GLRA3: variants seen among roughly 807,000 people sequenced by gnomAD.
GLRA3 encodes the protein glycine receptor alpha 3.
GLRA3 carries 44 observed loss-of-function variants against 60.4 expected under a neutral mutation model. The observed-to-expected ratio is 0.73, with a 90% CI of 0.57 to 0.94. The LOEUF (loss-of-function observed/expected upper bound fraction) is 0.94. Ranked by LOEUF, GLRA3 falls within the 40% of genes least tolerant of loss-of-function variation. The pLI, the probability that GLRA3 is intolerant of heterozygous loss-of-function variation, is 0.00. For synonymous variants in GLRA3, 223 were observed against 192.9 expected (o/e 1.16, Z -1.29); for missense variants, 508 against 564.6 (o/e 0.90, Z 1.02).
intron 8 of GLRA3, 109 bp downstream of exon 8, chr4:174,658,945 A>G (rs1733317172): frequency 4.4e-6 from 4 of 901,116 alleles, no homozygotes; most frequent in Non-Finnish European, 6.8e-6. Context: ...ATATTATATC[A>G]TTTCATCCCC....
chr4:174,809,688 G>A (rs1281386773), intron 1 of GLRA3, among the ~76,000 whole-genome samples: 1 of 152,076 alleles, frequency 6.6e-6, no homozygotes, highest in Non-Finnish European at 1.5e-5. Context: ...AACCAAGATT[G>A]TGCCGCTGCA....
At chr4:174,650,603 A>G (rs948416500) in intron 9 of GLRA3, among the ~76,000 whole-genome samples, 3 of 152,200 alleles carry the variant, frequency 2.0e-5, no homozygotes, top group African/African-American at 7.2e-5. Flanking sequence ...GTCCATATCT[A>G]GGCCTGAAAT....
chr4:174,723,504 T>C (rs1214958232), intron 4 of GLRA3, among the ~76,000 whole-genome samples: 1 of 152,056 alleles, frequency 6.6e-6, no homozygotes, highest in Admixed American at 6.6e-5. Flanking sequence ...AACAAATACA[T>C]GTTGATAATC....
chr4:174,686,609 G>A (rs773454605), intron 5 of GLRA3, among the ~76,000 whole-genome samples: 2 of 152,212 alleles, frequency 1.3e-5, no homozygotes, highest in Non-Finnish European at 2.9e-5. Context: ...TTATTGCCGA[G>A]TAAAGAGTAA....
chr4:174,691,881 C>T (rs1178937264), intron 5 of GLRA3, among the ~76,000 whole-genome samples: 2 of 151,602 alleles, frequency 1.3e-5, no homozygotes, highest in African/African-American at 4.9e-5. Flanking sequence ...AGCCCCTCTG[C>T]CTGGCTGCCC....
chr4:174,662,108 T>C lies in GLRA3; in HGVS notation c.928-2911A>G, dbSNP rs143877091. Among the ~76,000 whole-genome samples the C allele has an allele frequency of 6.8e-3, 1,037 of 152,288 alleles. 14 individuals carry two copies. The highest frequency in any genetic ancestry group is 0.022 in the African/African-American group (916 of 41,558). On this transcript the variant is annotated intron_variant, in intron 7 of 9. Transcript: ENST00000274093. ...TTAGTTTCCGCTCTTATTGTATACA[T>C]GTGCATATATTCCAGAGTTAAGGAA... is the stretch of plus-strand genomic sequence containing the variant.
chr4:174,731,056 T>C (rs1445983845), intron 3 of GLRA3, among the ~76,000 whole-genome samples: 2 of 152,204 alleles, frequency 1.3e-5, no homozygotes, highest in Non-Finnish European at 2.9e-5. Flanking sequence ...CTTGATTAAA[T>C]CTTTCTATGC....
At chr4:174,821,598 G>A (rs1272425561) in intron 1 of GLRA3, among the ~76,000 whole-genome samples, 3 of 151,930 alleles carry the variant, frequency 2.0e-5, no homozygotes, top group Non-Finnish European at 4.4e-5. Context: ...TGTATCTGTG[G>A]TATTACAATT....
At chr4:174,767,404 A>AT (rs1159851345) in intron 2 of GLRA3, among the ~76,000 whole-genome samples, 31 of 150,962 alleles carry the variant, frequency 2.1e-4, no homozygotes, top group Middle Eastern at 6.8e-3. Context: ...CATGTCTTAT[A>AT]TTTTTTTTTG....
intron 5 of GLRA3, among the ~76,000 whole-genome samples, chr4:174,701,548 A>C (rs1381024032): frequency 6.6e-6 from 1 of 152,156 alleles, no homozygotes; most frequent in Non-Finnish European, 1.5e-5. Context: ...TAAGAAAAAC[A>C]TTTTGTCCAT....
intron 1 of GLRA3, among the ~76,000 whole-genome samples, chr4:174,794,048 T>C (rs1212681745): frequency 6.6e-6 from 1 of 152,172 alleles, no homozygotes; most frequent in Non-Finnish European, 1.5e-5. Context: ...GCAAATCATA[T>C]CTTGCAAAAG....
At chr4:174,769,885 A>T (rs1738311548) in intron 2 of GLRA3, among the ~76,000 whole-genome samples, 2 of 152,084 alleles carry the variant, frequency 1.3e-5, no homozygotes, top group Non-Finnish European at 2.9e-5. Flanking sequence ...TCTTCTTATG[A>T]ATTTTGAAGA....
chr4:174,692,966 G>A (rs899954447), intron 5 of GLRA3, among the ~76,000 whole-genome samples: 14 of 150,786 alleles, frequency 9.3e-5, no homozygotes, highest in African/African-American at 2.7e-4. Flanking sequence ...AAAAAGAAAA[G>A]TGTCTGTTTA....
intron 3 of GLRA3, among the ~76,000 whole-genome samples, chr4:174,762,855 C>T (rs1479966207): frequency 1.3e-5 from 2 of 151,982 alleles, no homozygotes; most frequent in African/African-American, 2.4e-5. Flanking sequence ...ATTTTGGTAC[C>T]CAGAAGGCTC....
At chr4:174,693,773 A>G (rs905153768) in intron 5 of GLRA3, among the ~76,000 whole-genome samples, 2 of 152,172 alleles carry the variant, frequency 1.3e-5, no homozygotes, top group African/African-American at 4.8e-5. Context: ...TAAATGCCCC[A>G]CTTAAAAGGC....
chr4:174,689,483 C>A (rs556641032), intron 5 of GLRA3, among the ~76,000 whole-genome samples: 1 of 152,098 alleles, frequency 6.6e-6, no homozygotes, highest in Non-Finnish European at 1.5e-5. Flanking sequence ...GCATAGATTG[C>A]ATAGCATTGA....
At position 174,643,208 on chromosome 4, in the gene GLRA3, T is replaced by C. The variant is rs1202030660; in HGVS notation, c.*578A>G. 1 of 761,636 alleles carries C rather than the reference T, an allele frequency of 1.3e-6. No homozygotes were observed. Among genetic ancestry groups the C allele is most frequent in the East Asian group, 1.3e-4 (1 of 7,838 alleles). The allele number at this position is 761,636 out of a possible 1,614,324, so 47.2% of individuals were successfully genotyped here. A position where few individuals can be genotyped will look rare whatever the true frequency, so the allele number is the denominator to read the frequency against. On this transcript the variant is annotated 3_prime_UTR_variant, in exon 10 of 10. Transcript: ENST00000274093. ...TAATATTCTAAACAATTAAATTTAG[T>C]ATTCCAAATCATTAAAGTCTTTTAA...
chr4:174,697,008 C>T (rs1735083622), intron 5 of GLRA3, among the ~76,000 whole-genome samples: 1 of 152,102 alleles, frequency 6.6e-6, no homozygotes, highest in African/African-American at 2.4e-5. Flanking sequence ...AGAATACATT[C>T]AAATTTATTA....
At chr4:174,708,477 G>T (rs1735593126) in intron 5 of GLRA3, among the ~76,000 whole-genome samples, 1 of 148,950 alleles carries the variant, frequency 6.7e-6, no homozygotes, top group African/African-American at 2.5e-5. Flanking sequence ...TTTTCAAGTT[G>T]GCCCTTAACA....
Sources: gnomAD v4.1 joint callset for allele counts (sites outside exome capture counted in the v4.1 genomes callset) on GRCh38, gnomAD v4.1.1 for gene constraint, MANE v1.5 for transcripts, NCBI Gene and HGNC (gene_info 2026-07-23, HGNC 2026-07-21) for gene names.